PXDNL: variants seen among roughly 807,000 people sequenced by gnomAD.
PXDNL encodes probable oxidoreductase PXDNL.
In PXDNL, 145 loss-of-function variants were observed where a neutral mutation model predicts 150.8. That is an observed-to-expected ratio of 0.96 (90% CI 0.84 to 1.10). The LOEUF (loss-of-function observed/expected upper bound fraction) is 1.10. Ranked by LOEUF, PXDNL falls within the 50% of genes least tolerant of loss-of-function variation. The probability of loss-of-function intolerance (pLI) is 0.00; values close to 1 mark genes in which losing one functional copy is unlikely to be tolerated. For synonymous variants in PXDNL, 757 were observed against 725.7 expected, an observed-to-expected ratio of 1.04 and a Z score of -0.69; for missense variants, 2,087 against 1,873.9, an observed-to-expected ratio of 1.11 and a Z score of -2.10.
At chr8:51,643,246 G>A (rs1328236796) in intron 2 of PXDNL, among the ~76,000 whole-genome samples, 1 of 152,100 alleles carries the variant, frequency 6.6e-6, no homozygotes, top group Non-Finnish European at 1.5e-5. Context: ...ACAATCCTAA[G>A]CAAAAAGAAC....
chr8:51,659,951 T>C (rs1202976218), intron 1 of PXDNL, among the ~76,000 whole-genome samples: 1 of 151,898 alleles, frequency 6.6e-6, no homozygotes, highest in Non-Finnish European at 1.5e-5. Flanking sequence ...AGTGCAGTGG[T>C]GAGATCTTAG....
intron 1 of PXDNL, among the ~76,000 whole-genome samples, chr8:51,688,542 G>A (rs1396286899): frequency 2.6e-5 from 4 of 152,096 alleles, no homozygotes; most frequent in Admixed American, 2.0e-4. Flanking sequence ...GCCAGTTGGA[G>A]GAAGAGGGCA....
At chr8:51,701,704 A>G (rs1816261094) in intron 1 of PXDNL, among the ~76,000 whole-genome samples, 1 of 152,212 alleles carries the variant, frequency 6.6e-6, no homozygotes, top group Non-Finnish European at 1.5e-5. Context: ...AATTTTTCTA[A>G]TTCTTGCAAA....
At chr8:51,485,668 G>T (rs1457500002) in intron 5 of PXDNL, among the ~76,000 whole-genome samples, 1 of 152,046 alleles carries the variant, frequency 6.6e-6, no homozygotes, top group Non-Finnish European at 1.5e-5. Context: ...CCCTGCTCCT[G>T]GGCTATCAAC....
intron 4 of PXDNL, among the ~76,000 whole-genome samples, chr8:51,537,512 C>G (rs144132540): frequency 7.2e-5 from 11 of 152,226 alleles, no homozygotes; most frequent in Non-Finnish European, 1.5e-5. Context: ...GACATGAGTC[C>G]CCTAACTCCC....
intron 21 of PXDNL, among the ~76,000 whole-genome samples, chr8:51,334,582 C>T (rs1805786521): frequency 6.6e-6 from 1 of 151,942 alleles, no homozygotes; most frequent in African/African-American, 2.4e-5. Flanking sequence ...CAAGATTAAC[C>T]AAGAAAAGAA....
At chr8:51,340,826 C>A (rs1805965584) in intron 20 of PXDNL, among the ~76,000 whole-genome samples, 1 of 152,202 alleles carries the variant, frequency 6.6e-6, no homozygotes. Flanking sequence ...TGTGTTAAAA[C>A]AGTTTAAATA....
At chr8:51,766,079 C>T (rs903548341) in intron 1 of PXDNL, among the ~76,000 whole-genome samples, 1 of 152,222 alleles carries the variant, frequency 6.6e-6, no homozygotes, top group Admixed American at 6.5e-5. Flanking sequence ...TCGTGATCCA[C>T]CTGCCTTGGC....
intron 7 of PXDNL, among the ~76,000 whole-genome samples, chr8:51,473,384 C>A (rs1453162015): frequency 1.3e-5 from 2 of 150,860 alleles, no homozygotes; most frequent in East Asian, 3.9e-4. Flanking sequence ...TAAAAAGGGA[C>A]CTGATTCAGT....
intron 2 of PXDNL, among the ~76,000 whole-genome samples, chr8:51,619,067 T>C (rs1814185466): frequency 6.6e-6 from 1 of 152,156 alleles, no homozygotes; most frequent in Non-Finnish European, 1.5e-5. Flanking sequence ...CAAACTAGCC[T>C]CAGAAGCAAA....
At chr8:51,723,362 T>G (rs1356724249) in intron 1 of PXDNL, among the ~76,000 whole-genome samples, 5 of 152,054 alleles carry the variant, frequency 3.3e-5, no homozygotes, top group Admixed American at 2.6e-4. Flanking sequence ...CAGCTACAGA[T>G]GAGAAAAGGA....
chr8:51,354,498 G>A (rs184589660), intron 19 of PXDNL, among the ~76,000 whole-genome samples: 1 of 152,154 alleles, frequency 6.6e-6, no homozygotes, highest in East Asian at 1.9e-4. Flanking sequence ...AAAATGTCAA[G>A]ATTGTTGCAT....
chr8:51,694,383 GGTTTCACT>G (rs1816072325), intron 1 of PXDNL, among the ~76,000 whole-genome samples: 1 of 151,964 alleles, frequency 6.6e-6, no homozygotes, highest in Non-Finnish European at 1.5e-5. Flanking sequence ...AAAAAAAAAG[GGTTTCACT>G]AATAACTCTG....
intron 1 of PXDNL, among the ~76,000 whole-genome samples, chr8:51,797,785 A>T (rs542404067): frequency 1.3e-5 from 2 of 152,350 alleles, no homozygotes; most frequent in East Asian, 3.9e-4. Flanking sequence ...ATTCCCATTA[A>T]ACTACCACTG....
At chr8:51,385,345 A>C (rs904983802) in intron 17 of PXDNL, among the ~76,000 whole-genome samples, 4 of 152,220 alleles carry the variant, frequency 2.6e-5, no homozygotes, top group East Asian at 3.9e-4. Flanking sequence ...AAAAAAAAAA[A>C]CACTTTCCAC....
At chr8:51,466,876 A>G (rs1313082213) in intron 8 of PXDNL, among the ~76,000 whole-genome samples, 1 of 152,188 alleles carries the variant, frequency 6.6e-6, no homozygotes, top group African/African-American at 2.4e-5. Flanking sequence ...AATGGCTTTC[A>G]TTAAAAAGTC....
At chr8:51,396,034 C>T (rs1808071596) in intron 17 of PXDNL, among the ~76,000 whole-genome samples, 2 of 152,178 alleles carry the variant, frequency 1.3e-5, no homozygotes, top group Non-Finnish European at 2.9e-5. Flanking sequence ...GCTACAGGTA[C>T]TGACACTAAT....
At chr8:51,400,385 A>G (rs955527107) in intron 17 of PXDNL, among the ~76,000 whole-genome samples, 3 of 152,182 alleles carry the variant, frequency 2.0e-5, no homozygotes, top group Non-Finnish European at 4.4e-5. Context: ...TGGATTTTTG[A>G]TTTTTGAGCA....
At chr8:51,696,781 ACATACCCACCCACACATAGG>A (rs1381664952) in intron 1 of PXDNL, among the ~76,000 whole-genome samples, 19 of 9,350 alleles carry the variant, frequency 2.0e-3, no homozygotes, top group East Asian at 3.6e-3. Context: ...AGGTCCACAC[ACATACCCACCCACACATAGG>A]TCTTCACACA....
Sources: allele counts gnomAD v4.1 joint callset (sites outside exome capture counted in the v4.1 genomes callset), GRCh38; gene constraint gnomAD v4.1.1; transcripts MANE v1.5; gene names NCBI Gene and HGNC (gene_info 2026-07-23, HGNC 2026-07-21).